The following ACOT7 variants were observed in gnomAD, a reference collection of about 807,000 sequenced individuals.
ACOT7 encodes the protein acyl-CoA thioesterase 7, also known as cytosolic acyl coenzyme A thioester hydrolase.
In ACOT7, 12 loss-of-function variants were observed where a neutral mutation model predicts 40.2. The ratio of observed to expected loss-of-function variants is 0.30; its 90% CI spans 0.19 to 0.48. The LOEUF is 0.48. ACOT7 is among the 20% of genes least tolerant of loss of function. The pLI is 0.99. For missense variants in ACOT7, 395 were observed against 530.8 expected, an observed-to-expected ratio of 0.74 and a Z score of 2.51; for synonymous variants, 228 against 219.5, an observed-to-expected ratio of 1.04 and a Z score of -0.34.
At chr1:6,321,604 T>C (rs1417720894) in intron 5 of ACOT7, among the ~76,000 whole-genome samples, 2 of 152,178 alleles carry the variant, frequency 1.3e-5, no homozygotes, top group Non-Finnish European at 2.9e-5. Flanking sequence ...AAGCTCTGCG[T>C]CCCGGGTTCA....
chr1:6,291,924 C>A (rs1048224988), intron 7 of ACOT7, among the ~76,000 whole-genome samples: 1 of 152,286 alleles, frequency 6.6e-6, no homozygotes, highest in South Asian at 2.1e-4. Flanking sequence ...TGGGAGGCAG[C>A]GAGCTGATCT....
intron 8 of ACOT7, among the ~76,000 whole-genome samples, chr1:6,270,008 C>T (rs1213403169): frequency 3.3e-5 from 5 of 152,224 alleles, no homozygotes; most frequent in Non-Finnish European, 7.3e-5. Context: ...GCTCACCACC[C>T]AGGGGGAGGT....
Position 6,335,471 on chromosome 1 carries a change from C to T in ACOT7, c.419-1903G>A, listed in dbSNP as rs928384460. 2.6e-5 allele frequency among the ~76,000 whole-genome samples: 4 copies of T among 151,954 alleles called. No homozygotes were observed. The East Asian group carries it at 5.8e-4, about 22-fold the overall frequency. On this transcript the variant is annotated intron_variant, in intron 3 of 8. Transcript: ENST00000361521. Reference sequence around the variant, plus strand: ...TTGCACCACTGCACTCCAGCCTGGGCGACAGAGCGAGGCCCTGTCTTAAAA... The same window carrying T: ...TTGCACCACTGCACTCCAGCCTGGGTGACAGAGCGAGGCCCTGTCTTAAAA...
rs528628765 is a variant in ACOT7, at chr1:6,358,421, C to G, written c.144-8555G>C. 3.9e-5 allele frequency among the ~76,000 whole-genome samples: 6 copies of G among 152,338 alleles called. No homozygotes were observed. The East Asian group carries it at 9.6e-4, about 24-fold the overall frequency. On this transcript the variant is annotated intron_variant, in intron 1 of 8. Transcript: ENST00000361521. The surrounding 1 kb of genome is among the most constrained non-coding windows in gnomAD (Gnocchi z 4.1). Reference sequence around the variant, plus strand: ...GCTCCTTGTGCAGCCCACAGACCCCCCCTCCACCGCAGGTAGGAAGCTCAG... The same window carrying G: ...GCTCCTTGTGCAGCCCACAGACCCCGCCTCCACCGCAGGTAGGAAGCTCAG...
rs1313101429 is a variant in ACOT7, at chr1:6,278,607, AC to A, written c.1014+2494del. Among the ~76,000 whole-genome samples, 3 of 152,028 alleles carry A rather than the reference AC, an allele frequency of 2.0e-5. No homozygotes were observed. Among genetic ancestry groups the A allele is most frequent in the African/African-American group, 7.3e-5 (3 of 41,378 alleles). ...AACTGTATTTGTGATGCTTTTGGGA[AC>A]CCTGTTGAGGGGCAGCACTGGCCAA... On this transcript the variant is annotated intron_variant, in intron 8 of 8. Coordinates refer to ENST00000361521, the MANE Select transcript of ACOT7 (RefSeq NM_007274.4). This position sits in a 1 kb window ranked among gnomAD's most constrained non-coding sequence, Gnocchi z 4.1.
intron 6 of ACOT7, among the ~76,000 whole-genome samples, chr1:6,304,932 G>A (rs1640086360): frequency 6.8e-6 from 1 of 146,778 alleles, no homozygotes; most frequent in African/African-American, 2.7e-5. Flanking sequence ...ACAGGGTGGT[G>A]GCCGGGCAGA....
At chr1:6,373,124 A>T (rs948560844) in intron 1 of ACOT7, among the ~76,000 whole-genome samples, 1 of 152,246 alleles carries the variant, frequency 6.6e-6, no homozygotes, top group South Asian at 2.1e-4. Context: ...ATAGATCACC[A>T]TAACAAAAAT....
rs1158011096 is a variant in ACOT7, at chr1:6,323,733, AAAAAATAT to A, written c.625+3558_625+3565del. On this transcript the variant is annotated intron_variant, in intron 5 of 8. Coordinates refer to ENST00000361521, the MANE Select transcript of ACOT7 (RefSeq NM_007274.4). ...ACTTGTCTCAAAAAAAAAAAAAAAA[AAAAAATAT>A]ATATATATATATATATATATATATA... Among the ~76,000 whole-genome samples, 387 of 76,604 alleles carry A rather than the reference AAAAAATAT, an allele frequency of 5.1e-3. 1 individual carries two copies. Among genetic ancestry groups the A allele is most frequent in the African/African-American group, 0.02 (350 of 17,568 alleles). The allele number at this position is 76,604 out of a possible 152,430, so 50.3% of individuals were successfully genotyped here.
At chr1:6,333,448 C>T in intron 4 of ACOT7, 29 bp downstream of exon 4, 1 of 1,612,688 alleles carries the variant, frequency 6.2e-7, no homozygotes, top group Non-Finnish European at 8.5e-7. Flanking sequence ...CCATCTGCCC[C>T]CAAGAGAGAA....
chr1:6,282,579 C>G lies in ACOT7; in HGVS notation c.830-1293G>C. 1 of 512,826 alleles carries G rather than the reference C, an allele frequency of 1.9e-6. No homozygotes were observed. Among genetic ancestry groups the G allele is most frequent in the Non-Finnish European group, 3.4e-6 (1 of 297,700 alleles). 31.8% of individuals were successfully genotyped at this position (512,826 alleles called of 1,614,324 possible). ...GTGTCCTAGCTGCACCGAGACCAGC[C>G]TCACAAGGCAGGTTTAGAGACCCAG... On this transcript the variant is annotated intron_variant, in intron 7 of 8. Coordinates refer to ENST00000361521, the MANE Select transcript of ACOT7 (RefSeq NM_007274.4). The surrounding 1 kb of genome is among the most constrained non-coding windows in gnomAD (Gnocchi z 4.5).
intron 8 of ACOT7, among the ~76,000 whole-genome samples, chr1:6,265,384 C>A (rs961725218): frequency 1.3e-5 from 2 of 152,214 alleles, no homozygotes; most frequent in Admixed American, 6.5e-5. Flanking sequence ...GAGAAGGCCC[C>A]GCCCCGTACT....
At chr1:6,341,674 G>A (rs546892925) in intron 2 of ACOT7, among the ~76,000 whole-genome samples, 4 of 152,270 alleles carry the variant, frequency 2.6e-5, no homozygotes, top group Non-Finnish European at 4.4e-5. Flanking sequence ...CCCGGGAGGC[G>A]GAGCTTGCAG....
At chr1:6,336,837 A>G (rs900941541) in intron 3 of ACOT7, among the ~76,000 whole-genome samples, 4 of 152,188 alleles carry the variant, frequency 2.6e-5, no homozygotes, top group African/African-American at 9.7e-5. Flanking sequence ...GAGACTGCAG[A>G]GAGAGATGGC....
At chr1:6,350,105 A>C (rs949555016) in intron 1 of ACOT7, among the ~76,000 whole-genome samples, 2 of 152,182 alleles carry the variant, frequency 1.3e-5, no homozygotes, top group Non-Finnish European at 2.9e-5. Context: ...GCAGAGGGGC[A>C]CTTTCTCCCC....
chr1:6,322,845 C>G (rs1640686309), intron 5 of ACOT7, among the ~76,000 whole-genome samples: 1 of 152,156 alleles, frequency 6.6e-6, no homozygotes, highest in African/African-American at 2.4e-5. Context: ...GGAAATGACA[C>G]TGGGGCCGGG....
intron 8 of ACOT7, among the ~76,000 whole-genome samples, chr1:6,269,333 G>A (rs779629305): frequency 6.6e-6 from 1 of 152,206 alleles, no homozygotes; most frequent in African/African-American, 2.4e-5. Flanking sequence ...GGGCTTCCCT[G>A]CCTCCCCTCA....
chr1:6,324,734 C>G (rs777183580), intron 5 of ACOT7, among the ~76,000 whole-genome samples: 5 of 152,218 alleles, frequency 3.3e-5, no homozygotes, highest in Admixed American at 6.5e-5. Context: ...TTAGGCTAGA[C>G]ATAGCCTCTT....
rs1557621008 is a variant in ACOT7 at position 6,265,101 on chromosome 1, G to A, written c.1015-406C>T. Among the ~76,000 whole-genome samples, 3 of 152,300 alleles carry A rather than the reference G, an allele frequency of 2.0e-5. No homozygotes were observed. In the East Asian group the frequency reaches 5.8e-4, roughly 29 times the overall value. On this transcript the variant is annotated intron_variant, in intron 8 of 8. Transcript: ENST00000361521. The stretch of plus-strand genomic sequence containing the variant: ...CAGGGCCTGTTTGCTACTGGACTTC[G>A]GTGGAAAATGCACTTGATAATGAAA...
chr1:6,349,946 G>A, intron 1 of ACOT7, 80 bp from the exon 2 acceptor site: 1 of 1,355,842 alleles, frequency 7.4e-7, no homozygotes, highest in Non-Finnish European at 1.0e-6. Flanking sequence ...GAGGGGAGAA[G>A]GTCCCCAAAG....
Sources: allele counts gnomAD v4.1 joint callset (sites outside exome capture counted in the v4.1 genomes callset), GRCh38; gene constraint gnomAD v4.1.1; non-coding constraint Gnocchi (gnomAD v3.1); transcripts MANE v1.5; gene names NCBI Gene and HGNC (gene_info 2026-07-23, HGNC 2026-07-21).